The following HSD3B7 variants were observed in gnomAD, a reference collection of about 807,000 sequenced individuals.
HSD3B7 encodes the protein hydroxy-delta-5-steroid dehydrogenase, 3 beta- and steroid delta-isomerase 7.
Under a neutral mutation model 34.3 loss-of-function variants are expected in HSD3B7, and 35 were observed. The ratio of observed to expected loss-of-function variants is 1.02; its 90% confidence interval spans 0.78 to 1.35. HSD3B7 has a LOEUF of 1.35. Among genes scored for constraint, HSD3B7 ranks in the 40% most tolerant of loss-of-function variants. The pLI, the probability that HSD3B7 is intolerant of heterozygous loss-of-function variation, is 0.00. For missense variants in HSD3B7, 426 were observed against 504.7 expected (o/e 0.84, Z 1.49); for synonymous variants, 217 against 220.1 (o/e 0.99, Z 0.13).
chr16:30,988,117 C>G lies in HSD3B7; in HGVS notation c.1044C>G (p.Phe348Leu). 6.2e-7 allele frequency: 1 copy of G among 1,606,510 alleles called. No homozygotes were observed. Among genetic ancestry groups the G allele is most frequent in the Non-Finnish European group, 8.5e-7 (1 of 1,178,552 alleles). Residue 348 changes from phenylalanine (F) to leucine (L), a missense_variant, in exon 7 of 7, where the codon TTC (phenylalanine) becomes TTG (leucine). By Grantham distance (22) the Phe-to-Leu change is conservative. Coordinates refer to ENST00000297679, the MANE Select transcript of HSD3B7 (RefSeq NM_025193.4). The part of the protein sequence containing the change: ...AQRHFGYEPL[F>L]SWEDSRTRTI... Reference sequence around the variant, plus strand: ...GCCATTTCGGCTATGAGCCCCTGTTCTCGTGGGAGGATAGCCGGACCCGTA... The same window carrying G: ...GCCATTTCGGCTATGAGCCCCTGTTGTCGTGGGAGGATAGCCGGACCCGTA...
At chr16:30,985,885 C>A in intron 2 of HSD3B7, 61 bp downstream of exon 2, 1 of 1,584,214 alleles carries the variant, frequency 6.3e-7, no homozygotes. Flanking sequence ...CCTTCCCAAG[C>A]TGGGATCCCC....
chr16:30,988,319 G>T lies in HSD3B7; in HGVS notation c.*136G>T, dbSNP rs897410739. On this transcript the variant is annotated 3_prime_UTR_variant, in exon 7 of 7. Transcript: ENST00000297679. ...TGGGGCCAGAATGGCTGTCCTTGTC[G>T]TAGAGCCCTCCACATTTTCTTTTTC... The T allele has an allele frequency of 7.7e-6, 6 of 779,644 alleles. 1 individual carries two copies. The highest frequency in any genetic ancestry group is 5.3e-5 in the South Asian group (3 of 56,482). The allele number at this position is 779,644 out of a possible 1,614,324, so 48.3% of individuals were successfully genotyped here.
chr16:30,985,797 G>A lies in HSD3B7; in HGVS notation c.139G>A (p.Gly47Ser). Residue 47 changes from glycine to serine, a missense_variant, in exon 2 of 7, where the codon GGT becomes AGT. Coordinates refer to ENST00000297679, the MANE Select transcript of HSD3B7 (RefSeq NM_025193.4). ...GCTGCGGGTCTTTGACCAACACCTGGGTCCCTGGCTGGAGGAGCTGAAGAC... is the reference window on the plus strand; with the variant it reads ...GCTGCGGGTCTTTGACCAACACCTGAGTCCCTGGCTGGAGGAGCTGAAGAC... ...GELRVFDQHL[G>S]PWLEELKTGP... The A allele has an allele frequency of 6.2e-7, 1 of 1,603,104 alleles. No homozygotes were observed. Among genetic ancestry groups the A allele is most frequent in the Non-Finnish European group, 8.5e-7 (1 of 1,176,086 alleles).
Position 30,987,886 on chromosome 16 carries a change from C to T in HSD3B7, c.813C>T (p.Phe271=). ...CACCCTACAGGAGCTACGAGGATTT[C>T]AACATGGAGTTCCTGGGCCCCTGCG... ...DGSPYRSYED[F]NMEFLGPCGL... is the part of the protein sequence containing the mutation. Residue 271 remains phenylalanine, a synonymous_variant, in exon 7 of 7, where the codon TTC becomes TTT. Transcript: ENST00000297679. 1 of 1,613,970 alleles carries T rather than the reference C, an allele frequency of 6.2e-7. No homozygotes were observed.
chr16:30,985,243 C>G lies in HSD3B7; in HGVS notation c.-61C>G. The G allele has an allele frequency of 8.9e-7, 1 of 1,123,192 alleles. No individual in the cohort carries two copies. The highest frequency in any genetic ancestry group is 1.1e-6 in the Non-Finnish European group (1 of 909,038). 69.6% of individuals were successfully genotyped at this position (1,123,192 alleles called of 1,614,324 possible). A position where few individuals can be genotyped will look rare whatever the true frequency, so the allele number is the denominator to read the frequency against. On this transcript the variant is annotated 5_prime_UTR_variant, in exon 1 of 7. Transcript: ENST00000297679. ...GGTGTGCGGGCCGGCCAGCCCTGGA[C>G]GAAAGAAGAGGGCCCCTCCAGGCCA... is the stretch of plus-strand genomic sequence containing the variant.
rs763951799 is a variant in HSD3B7, at chr16:30,986,144, G to A, written c.262G>A (p.Gly88Arg). 1.2e-6 allele frequency: 2 copies of A among 1,614,034 alleles called. No individual in the cohort carries two copies. The highest frequency in any genetic ancestry group is 1.7e-6 in the Non-Finnish European group (2 of 1,180,022). Residue 88 changes from glycine (G) to arginine (R), a missense_variant, in exon 3 of 7, where the codon GGG becomes AGG. Transcript: ENST00000297679. ...AGAHVVIHTA[G>R]LVDVFGRASP... ...AGCCCATGTGGTCATCCACACGGCTGGGCTGGTAGACGTGTTTGGCAGGGC... is the reference window on the plus strand; with the variant it reads ...AGCCCATGTGGTCATCCACACGGCTAGGCTGGTAGACGTGTTTGGCAGGGC...
chr16:30,985,741 T>C lies in HSD3B7; in HGVS notation c.83T>C (p.Met28Thr). 6.2e-7 allele frequency: 1 copy of C among 1,608,186 alleles called. No homozygotes were observed. Among genetic ancestry groups the C allele is most frequent in the East Asian group, 2.2e-5 (1 of 44,832 alleles). The change falls in exon 2 of 7, where the codon ATG becomes ACG. Residue 28 changes from methionine to threonine, a missense_variant. Met to Thr is a moderately conservative substitution (Grantham distance 81). Coordinates refer to ENST00000297679, the MANE Select transcript of HSD3B7 (RefSeq NM_025193.4). ...TTCCTGGGAGAGCACGTGGTGCGAATGCTGCTGCAGCGGGAGCCCCGGCTC... is the reference window on the plus strand; with the variant it reads ...TTCCTGGGAGAGCACGTGGTGCGAACGCTGCTGCAGCGGGAGCCCCGGCTC... The part of the protein sequence containing the change: ...CGFLGEHVVR[M>T]LLQREPRLGE...
intron 3 of HSD3B7, 83 bp downstream of exon 3, chr16:30,986,287 G>T: frequency 6.4e-7 from 1 of 1,570,198 alleles, no homozygotes; most frequent in South Asian, 1.2e-5. Context: ...TGACTCCCCT[G>T]GGACAAGTTG....
rs369536914 is a variant in HSD3B7 at position 30,985,650 on chromosome 16, C to T, written c.-6-3C>T. The T allele has an allele frequency of 2.1e-5, 34 of 1,599,986 alleles. No individual in the cohort carries two copies. Among genetic ancestry groups the T allele is most frequent in the Non-Finnish European group, 2.8e-5 (33 of 1,177,528 alleles). On this transcript the variant is annotated splice_region_variant and splice_polypyrimidine_tract_variant and intron_variant, in intron 1 of 6. Coordinates refer to ENST00000297679, the MANE Select transcript of HSD3B7 (RefSeq NM_025193.4). ...CCTGGATGAGCCAAGGTCTCTTCCC[C>T]AGCCAGGCATGGCCGACTCTGCACA...
chr16:30,985,850 G>A lies in HSD3B7; in HGVS notation c.166+26G>A. 1 of 1,591,970 alleles carries A rather than the reference G, an allele frequency of 6.3e-7. No homozygotes were observed. The highest frequency in any genetic ancestry group is 2.3e-5 in the East Asian group (1 of 44,124). The stretch of plus-strand genomic sequence containing the variant: ...GTTCTTGTTGGGGGAGCTTGTGGTG[G>A]AGAGGGTGTGGACGCTTCCCCAACC... On this transcript the variant is annotated intron_variant, in intron 2 of 6. Transcript: ENST00000297679.
chr16:30,985,408 T>A (rs1043678641), intron 1 of HSD3B7, 111 bp downstream of exon 1: 9 of 1,397,348 alleles, frequency 6.4e-6, no homozygotes, highest in Non-Finnish European at 8.4e-6. Flanking sequence ...CCCACCCTTT[T>A]ACTGCCTTCA....
intron 5 of HSD3B7, 28 bp downstream of exon 5, chr16:30,986,732 A>G (rs1301808888): frequency 6.2e-7 from 1 of 1,608,720 alleles, no homozygotes. Context: ...AGGCGCAGAG[A>G]TGGGGCTCCT....
Position 30,987,012 on chromosome 16 carries a change from G to A in HSD3B7, c.694+10G>A, listed in dbSNP as rs570760498. 7.5e-6 allele frequency: 12 copies of A among 1,603,576 alleles called. No homozygotes were observed. The East Asian group carries it at 1.1e-4, about 15-fold the overall frequency. On this transcript the variant is annotated intron_variant, in intron 6 of 6. Transcript: ENST00000297679. Reference sequence around the variant, plus strand: ...GGCCGGGTCTATGTGGGTGAGGACTGGGCTAGGCAGGGGGAGGCTGAGAAT... The same window carrying A: ...GGCCGGGTCTATGTGGGTGAGGACTAGGCTAGGCAGGGGGAGGCTGAGAAT...
chr16:30,986,466 G>T lies in HSD3B7; in HGVS notation c.366G>T (p.Arg122=), dbSNP rs2056480042. 5 of 1,614,008 alleles carry T rather than the reference G, an allele frequency of 3.1e-6. No individual in the cohort carries two copies. Among genetic ancestry groups the T allele is most frequent in the Non-Finnish European group, 3.4e-6 (4 of 1,180,020 alleles). ...VIEACVQTGT[R]FLVYTSSMEV... ...AGGCTTGTGTGCAGACCGGAACACG[G>T]TTCCTGGTCTACACCAGCAGCATGG... The change falls in exon 4 of 7, where the codon CGG becomes CGT. Residue 122 remains arginine, a synonymous_variant. Coordinates refer to ENST00000297679, the MANE Select transcript of HSD3B7 (RefSeq NM_025193.4).
At position 30,985,306 on chromosome 16, in the gene HSD3B7, A is replaced by G; in HGVS notation, c.-7+9A>G. Reference sequence around the variant, plus strand: ...TGGGATAGCGGCTGCAGGTAGGCAGAGGCGCTGCCAGTGCCCAGGTGGCCT... The same window carrying G: ...TGGGATAGCGGCTGCAGGTAGGCAGGGGCGCTGCCAGTGCCCAGGTGGCCT... On this transcript the variant is annotated intron_variant, in intron 1 of 6. Coordinates refer to ENST00000297679, the MANE Select transcript of HSD3B7 (RefSeq NM_025193.4). 1 of 1,207,852 alleles carries G rather than the reference A, an allele frequency of 8.3e-7. No individual in the cohort carries two copies. Among genetic ancestry groups the G allele is most frequent in the Non-Finnish European group, 1.0e-6 (1 of 956,470 alleles). 74.8% of individuals were successfully genotyped at this position (1,207,852 alleles called of 1,614,324 possible).
In HSD3B7 at chr16:30,988,114, G is replaced by T. The variant is rs1325494703; in HGVS notation, c.1041G>T (p.Leu347=). The T allele has an allele frequency of 6.2e-7, 1 of 1,606,436 alleles. No individual in the cohort carries two copies. The part of the protein sequence containing the change: ...KAQRHFGYEP[L]FSWEDSRTRT... ...AGCGCCATTTCGGCTATGAGCCCCT[G>T]TTCTCGTGGGAGGATAGCCGGACCC... Residue 347 remains leucine (L), a synonymous_variant, in exon 7 of 7, where the codon CTG becomes CTT. Transcript: ENST00000297679.
chr16:30,987,595 C>G, intron 6 of HSD3B7, 173 bp from the exon 7 acceptor site: 1 of 728,328 alleles, frequency 1.4e-6, no homozygotes. Context: ...CAGGCTGGCC[C>G]AGGAGAGCAA....
In HSD3B7 at chr16:30,988,470, C is replaced by G. The variant is rs1321076946; in HGVS notation, c.*287C>G. 2.4e-6 allele frequency: 1 copy of G among 410,120 alleles called. No homozygotes were observed. The highest frequency in any genetic ancestry group is 4.5e-6 in the Non-Finnish European group (1 of 224,318). The allele number at this position is 410,120 out of a possible 1,614,324, so 25.4% of individuals were successfully genotyped here. ...GCCTCAGCCTCCTGAACAGCTGGGA[C>G]CACAGGTGCACGCCACCACACCTGG... is the stretch of plus-strand genomic sequence containing the variant. On this transcript the variant is annotated 3_prime_UTR_variant, in exon 7 of 7. Coordinates refer to ENST00000297679, the MANE Select transcript of HSD3B7 (RefSeq NM_025193.4).
chr16:30,987,324 A>G (rs944156132), intron 6 of HSD3B7: 7 of 438,956 alleles, frequency 1.6e-5, no homozygotes, highest in African/African-American at 9.9e-5. Context: ...GCTCGCATCT[A>G]TAATCCCAGC....
Sources: allele counts gnomAD v4.1 joint callset, GRCh38; gene constraint gnomAD v4.1.1; transcripts MANE v1.5; gene names NCBI Gene and HGNC (gene_info 2026-07-23, HGNC 2026-07-21).